The following BLNK variants were observed in gnomAD, a reference collection of about 807,000 sequenced individuals.
The protein encoded by BLNK is B-cell linker protein.
BLNK carries 29 observed loss-of-function variants against 73.5 expected under a neutral mutation model. That is an observed-to-expected ratio of 0.39 (90% CI 0.29 to 0.54). The LOEUF is 0.54. Among genes scored for constraint, BLNK ranks in the 20% least tolerant of loss-of-function variants. The probability of loss-of-function intolerance (pLI) is 0.61; values close to 1 mark genes in which losing one functional copy is unlikely to be tolerated. For missense variants in BLNK, 460 were observed against 562.8 expected, an observed-to-expected ratio of 0.82 and a Z score of 1.85; for synonymous variants, 176 against 200.8, an observed-to-expected ratio of 0.88 and a Z score of 1.04.
chr10:96,196,149 A>G (rs1304152973), intron 16 of BLNK, among the ~76,000 whole-genome samples: 1 of 152,198 alleles, frequency 6.6e-6, no homozygotes, highest in Non-Finnish European at 1.5e-5. Context: ...AATTTTGTTT[A>G]TGCTATTTTC....
intron 3 of BLNK, among the ~76,000 whole-genome samples, chr10:96,234,701 T>C (rs587745185): frequency 1.3e-5 from 2 of 152,370 alleles, no homozygotes; most frequent in East Asian, 3.9e-4. Flanking sequence ...ACCGTCATCT[T>C]GAGCATTGCA....
intron 3 of BLNK, 49 bp downstream of exon 3, chr10:96,242,686 A>G: frequency 6.6e-7 from 1 of 1,517,412 alleles, no homozygotes; most frequent in Non-Finnish European, 9.2e-7. Context: ...TGTAAATATG[A>G]ACATTAAATT....
At chr10:96,254,993 A>G (rs782055674) in intron 1 of BLNK, among the ~76,000 whole-genome samples, 8 of 152,214 alleles carry the variant, frequency 5.3e-5, no homozygotes, top group East Asian at 1.9e-4. Flanking sequence ...CATTTAAACC[A>G]GAGTCATTGA....
At chr10:96,238,607 A>G (rs1842780245) in intron 3 of BLNK, among the ~76,000 whole-genome samples, 1 of 152,102 alleles carries the variant, frequency 6.6e-6, no homozygotes, top group African/African-American at 2.4e-5. Flanking sequence ...CAGAAACCTC[A>G]AGGCTCAGGG....
intron 3 of BLNK, among the ~76,000 whole-genome samples, chr10:96,240,280 C>T (rs187480098): frequency 2.0e-5 from 3 of 152,326 alleles, no homozygotes; most frequent in Non-Finnish European, 2.9e-5. Flanking sequence ...TCATGAAACA[C>T]GTGTTGAATG....
At chr10:96,235,851 C>A (rs746012532) in intron 3 of BLNK, among the ~76,000 whole-genome samples, 37 of 152,108 alleles carry the variant, frequency 2.4e-4, no homozygotes, top group Non-Finnish European at 4.1e-4. Context: ...ATGCGCTGGG[C>A]TGGAGAGGGA....
intron 1 of BLNK, among the ~76,000 whole-genome samples, chr10:96,266,470 A>G (rs782182457): frequency 6.6e-6 from 1 of 152,232 alleles, no homozygotes; most frequent in African/African-American, 2.4e-5. Context: ...AGAGTGGGTG[A>G]GGAAGTTGCC....
At chr10:96,251,702 A>G (rs1210621426) in intron 1 of BLNK, among the ~76,000 whole-genome samples, 1 of 152,260 alleles carries the variant, frequency 6.6e-6, no homozygotes, top group Non-Finnish European at 1.5e-5. Flanking sequence ...AATGGTGAGC[A>G]GGTCATATAA....
intron 9 of BLNK, among the ~76,000 whole-genome samples, chr10:96,209,391 T>TATTC: frequency 7.6e-6 from 1 of 131,080 alleles, no homozygotes; most frequent in South Asian, 2.5e-4. Flanking sequence ...TTTATTTATT[T>TATTC]ATTTATTCAT....
At chr10:96,247,097 T>G (rs1843073908) in intron 1 of BLNK, 48 bp from the exon 2 acceptor site, 3 of 1,399,112 alleles carry the variant, frequency 2.1e-6, no homozygotes, top group Non-Finnish European at 3.0e-6. Flanking sequence ...CAGTCTGACT[T>G]TTTAAAAAAA....
intron 15 of BLNK, among the ~76,000 whole-genome samples, chr10:96,197,994 T>A (rs1462265400): frequency 2.0e-5 from 3 of 151,292 alleles, no homozygotes; most frequent in Admixed American, 6.6e-5. Flanking sequence ...TTAAATTTTT[T>A]AATAAAAATA....
chr10:96,254,329 G>A (rs1843420024), intron 1 of BLNK, among the ~76,000 whole-genome samples: 1 of 152,182 alleles, frequency 6.6e-6, no homozygotes, highest in Non-Finnish European at 1.5e-5. Flanking sequence ...GAAGGAATCG[G>A]CTGTGGTTGC....
rs782250398 is a variant in BLNK at position 96,207,016 on chromosome 10, C to A, written c.812G>T (p.Cys271Phe). The change falls in exon 11 of 17, where the codon TGT becomes TTT. Residue 271 changes from cysteine (C) to phenylalanine (F), a missense_variant. Cys to Phe is a radical substitution (Grantham distance 205). This residue lies in a region of BLNK where 233 missense variants were observed against 232.1 expected (regional missense o/e 1.00). Transcript: ENST00000224337. ...VASQQNASSV[C>F]EEKPIPAERH... The stretch of plus-strand genomic sequence containing the variant: ...TTCAAAATAATAGATTTTACCTTCA[C>A]AAACACTTGAAGCATTCTGTTGAGA... 1.2e-6 allele frequency: 2 copies of A among 1,613,924 alleles called. No homozygotes were observed. Among genetic ancestry groups the A allele is most frequent in the Non-Finnish European group, 1.7e-6 (2 of 1,179,896 alleles).
At chr10:96,203,286 G>A (rs942331362) in intron 13 of BLNK, among the ~76,000 whole-genome samples, 1 of 151,876 alleles carries the variant, frequency 6.6e-6, no homozygotes, top group African/African-American at 2.4e-5. Context: ...TGTGTTGTCA[G>A]AATTTTTTTT....
chr10:96,230,402 C>T (rs1398824057), intron 4 of BLNK, among the ~76,000 whole-genome samples: 5 of 152,118 alleles, frequency 3.3e-5, no homozygotes, highest in Admixed American at 1.3e-4. Context: ...GTTGTTGGTT[C>T]GTTTAGGGCT....
intron 1 of BLNK, among the ~76,000 whole-genome samples, chr10:96,269,902 C>T (rs1302948377): frequency 1.3e-5 from 2 of 152,178 alleles, no homozygotes; most frequent in Non-Finnish European, 2.9e-5. Context: ...CAGCACATAA[C>T]ATGTTTCCTC....
At chr10:96,253,613 C>G (rs1475002399) in intron 1 of BLNK, among the ~76,000 whole-genome samples, 3 of 152,186 alleles carry the variant, frequency 2.0e-5, no homozygotes, top group Non-Finnish European at 4.4e-5. Flanking sequence ...GGACCCTAAA[C>G]CATATCAATA....
At chr10:96,262,399 A>T (rs2134139470) in intron 1 of BLNK, among the ~76,000 whole-genome samples, 1 of 152,310 alleles carries the variant, frequency 6.6e-6, no homozygotes, top group Non-Finnish European at 1.5e-5. Context: ...GTACTGTTCT[A>T]ATACCCCTGC....
At chr10:96,209,963 C>T (rs1222558111) in intron 8 of BLNK, 56 bp from the exon 9 acceptor site, 13 of 1,581,258 alleles carry the variant, frequency 8.2e-6, no homozygotes, top group East Asian at 4.5e-5. Flanking sequence ...GGCTGATGCT[C>T]ACACTGAGGC....
Sources: gnomAD v4.1 joint callset for allele counts (sites outside exome capture counted in the v4.1 genomes callset) on GRCh38, gnomAD v4.1.1 for gene constraint, gnomAD v4.1.1 regional missense constraint, MANE v1.5 for transcripts, NCBI Gene and HGNC (gene_info 2026-07-23, HGNC 2026-07-21) for gene names.